Variants in P4HTM observed in about 807,000 individuals in gnomAD.
P4HTM encodes the protein prolyl 4-hydroxylase, transmembrane, also known as transmembrane prolyl 4-hydroxylase.
A neutral mutation model predicts 55.3 loss-of-function variants in P4HTM; 33 were observed. The ratio of observed to expected loss-of-function variants is 0.60; its 90% CI spans 0.45 to 0.80. The LOEUF (loss-of-function observed/expected upper bound fraction) is 0.80, where lower values mean the gene tolerates loss of function less well. Ranked by LOEUF, P4HTM falls within the 30% of genes least tolerant of loss-of-function variation. P4HTM has a pLI of 0.00. For synonymous variants in P4HTM, 272 were observed against 286.4 expected, an observed-to-expected ratio of 0.95 and a Z score of 0.51; for missense variants, 542 against 696.5, an observed-to-expected ratio of 0.78 and a Z score of 2.50.
intron 2 of P4HTM, among the ~76,000 whole-genome samples, chr3:48,997,006 C>G (rs1489742033): frequency 6.6e-6 from 1 of 152,172 alleles, no homozygotes; most frequent in African/African-American, 2.4e-5. Flanking sequence ...CAGAGGACTA[C>G]CTGCTCAAAA....
At chr3:49,004,441 C>T (rs2092970534) in intron 5 of P4HTM, 181 bp downstream of exon 5, 2 of 638,222 alleles carry the variant, frequency 3.1e-6, no homozygotes, top group Non-Finnish European at 5.2e-6. Flanking sequence ...CAAATTAGCC[C>T]TCCTTGCAGG....
intron 2 of P4HTM, among the ~76,000 whole-genome samples, chr3:48,992,659 ACT>A (rs1288675731): frequency 8.2e-6 from 1 of 122,060 alleles, no homozygotes; most frequent in Non-Finnish European, 1.6e-5. Context: ...TGGGATTAGA[ACT>A]CTTTTTTTTT....
Position 48,990,343 on chromosome 3 carries a change from C to G in P4HTM, c.87C>G (p.His29Gln). 6.5e-7 allele frequency: 1 copy of G among 1,537,790 alleles called. No individual in the cohort carries two copies. The highest frequency in any genetic ancestry group is 8.7e-7 in the Non-Finnish European group (1 of 1,149,894). Residue 29 changes from histidine (H) to glutamine (Q), a missense_variant, in exon 1 of 9, where the codon CAC becomes CAG. His to Gln is a conservative substitution (Grantham distance 24, BLOSUM62 0). Transcript: ENST00000383729. This position sits in a 1 kb window ranked among gnomAD's most constrained non-coding sequence, Gnocchi z 7.2. The part of the protein sequence containing the change: ...ASRPQWAPPD[H>Q]CQAQAAAGLG... Reference sequence around the variant, plus strand: ...GGCCGCAGTGGGCGCCGCCAGACCACTGCCAGGCTCAGGCGGCGGCCGGGC... The same window carrying G: ...GGCCGCAGTGGGCGCCGCCAGACCAGTGCCAGGCTCAGGCGGCGGCCGGGC...
In P4HTM at chr3:48,990,822, CT is replaced by C; in HGVS notation, c.355-7del. 3 of 1,613,198 alleles carry C rather than the reference CT, an allele frequency of 1.9e-6. No homozygotes were observed. The highest frequency in any genetic ancestry group is 2.5e-6 in the Non-Finnish European group (3 of 1,179,426). On this transcript the variant is annotated splice_polypyrimidine_tract_variant and intron_variant, in intron 1 of 8. Transcript: ENST00000383729. This position sits in a 1 kb window ranked among gnomAD's most constrained non-coding sequence, Gnocchi z 7.2. ...GGCGCCCCAGCTGCCCGCTGTGCGC[CT>C]TTTCCTTAGGTGGGGCACGAGCGTA...
rs2092983666 is a variant in P4HTM, at chr3:49,006,676, T to C, written c.1289-11T>C. The stretch of plus-strand genomic sequence containing the variant: ...CCCAGCCTAGGATCTCACGTCACCC[T>C]CCTCTTCTAGGTTGGGTGGGTGACG... On this transcript the variant is annotated splice_polypyrimidine_tract_variant and intron_variant, in intron 8 of 8. Coordinates refer to ENST00000383729, the MANE Select transcript of P4HTM (RefSeq NM_177939.3). 2 of 1,610,384 alleles carry C rather than the reference T, an allele frequency of 1.2e-6. No homozygotes were observed. The highest frequency in any genetic ancestry group is 3.3e-5 in the Admixed American group (2 of 59,994).
Position 49,005,009 on chromosome 3 carries a change from G to GT in P4HTM, c.1037dup (p.Ala347SerfsTer36). On this transcript the variant is annotated frameshift_variant, in exon 6 of 9. Coordinates refer to ENST00000383729, the MANE Select transcript of P4HTM (RefSeq NM_177939.3). LOFTEE classifies it high-confidence loss of function. ...GACCATCTGCTCCCATACCAAGCTG[G>GT]TAGCCAACGAGTCTGTACCCTTCGA... The GT allele has an allele frequency of 6.2e-7, 1 of 1,614,112 alleles. No homozygotes were observed. Among genetic ancestry groups the GT allele is most frequent in the Non-Finnish European group, 8.5e-7 (1 of 1,180,038 alleles).
intron 3 of P4HTM, 61 bp downstream of exon 3, chr3:49,001,689 G>A: frequency 1.4e-6 from 2 of 1,441,608 alleles, no homozygotes; most frequent in East Asian, 2.4e-5. Flanking sequence ...CCTTTCTGGT[G>A]GCCAGGTCAC....
At chr3:49,006,031 A>G (rs998508263) in intron 7 of P4HTM, 33 bp from the exon 8 acceptor site, 5 of 1,595,460 alleles carry the variant, frequency 3.1e-6, no homozygotes, top group Non-Finnish European at 4.3e-6. Flanking sequence ...GAGTGGGGAC[A>G]GGTTGAACAC....
At chr3:48,997,012 C>A (rs2092947816) in intron 2 of P4HTM, among the ~76,000 whole-genome samples, 1 of 152,182 alleles carries the variant, frequency 6.6e-6, no homozygotes, top group Non-Finnish European at 1.5e-5. Flanking sequence ...ACTACCTGCT[C>A]AAAAAGCAGT....
At position 49,006,328 on chromosome 3, in the gene P4HTM, T is replaced by C. The variant is rs946911716; in HGVS notation, c.1288+141T>C. ...TCCTGGTGCCTCCCAAAGGCCATCC[T>C]TAGTGACTTTAGCAGACTGCCCCAG... On this transcript the variant is annotated intron_variant, in intron 8 of 8. Transcript: ENST00000383729. The C allele has an allele frequency of 6.1e-5, 53 of 867,022 alleles. No individual in the cohort carries two copies. The Admixed American group carries it at 6.2e-4, about 10-fold the overall frequency. 53.7% of individuals were successfully genotyped at this position (867,022 alleles called of 1,614,324 possible).
Position 49,002,540 on chromosome 3 carries a change from C to T in P4HTM, c.668C>T (p.Thr223Ile). ...QTRLGNGWWMTPESIQEMYAA... is the reference protein window; with the variant it reads ...QTRLGNGWWMIPESIQEMYAA... ...CGCCTGGGAAATGGATGGTGGATGA[C>T]TCCAGAGAGCATTCAGGAGATGTAC... Residue 223 changes from threonine (T) to isoleucine (I), a missense_variant, in exon 4 of 9, where the codon ACT (threonine) becomes ATT (isoleucine). Coordinates refer to ENST00000383729, the MANE Select transcript of P4HTM (RefSeq NM_177939.3). This position sits in a 1 kb window ranked among gnomAD's most constrained non-coding sequence, Gnocchi z 4.4. 1.2e-6 allele frequency: 2 copies of T among 1,614,142 alleles called. No individual in the cohort carries two copies. The highest frequency in any genetic ancestry group is 1.7e-6 in the Non-Finnish European group (2 of 1,179,986).
chr3:48,991,168 T>C, intron 2 of P4HTM: 1 of 473,966 alleles, frequency 2.1e-6, no homozygotes, highest in South Asian at 3.2e-5. Context: ...AAACGTTTCA[T>C]TGCACCTGTC....
At chr3:49,005,214 G>T in intron 6 of P4HTM, 168 bp downstream of exon 6, 1 of 1,556,916 alleles carries the variant, frequency 6.4e-7, no homozygotes, top group East Asian at 2.3e-5. Flanking sequence ...TTTACCCAAT[G>T]GCTGGAAAGG....
At position 49,002,571 on chromosome 3, in the gene P4HTM, G is replaced by A. The variant is rs142286241; in HGVS notation, c.699G>A (p.Ala233=). The A allele has an allele frequency of 5.7e-5, 92 of 1,613,636 alleles. 1 individual carries two copies. Among genetic ancestry groups the A allele is most frequent in the Middle Eastern group, 4.9e-4 (3 of 6,062 alleles). ...AGAGCATTCAGGAGATGTACGCCGC[G>A]ATCAAGGCTGACCCTGATGGTGACG... ...TPESIQEMYA[A]IKADPDGDGV... is the part of the protein sequence containing the mutation. The change falls in exon 4 of 9, where the codon GCG becomes GCA. Residue 233 remains alanine, a synonymous_variant. Transcript: ENST00000383729. The surrounding 1 kb of genome is among the most constrained non-coding windows in gnomAD (Gnocchi z 4.4).
At position 49,004,861 on chromosome 3, in the gene P4HTM, G is replaced by C; in HGVS notation, c.888G>C (p.Arg296Ser). The C allele has an allele frequency of 1.2e-6, 2 of 1,604,628 alleles. No homozygotes were observed. The highest frequency in any genetic ancestry group is 1.7e-5 in the Admixed American group (1 of 59,844). ...CAGCCAAATGCCTGCTGCCCACCAG[G>C]GTGCTGCGCCTCACTCGCCTGTCGC... is the stretch of plus-strand genomic sequence containing the variant. Reference protein sequence around the residue: ...AHHIMRAIRQRVLRLTRLSPE... With the variant: ...AHHIMRAIRQSVLRLTRLSPE... The change falls in exon 6 of 9, where the codon AGG becomes AGC. Residue 296 changes from arginine to serine, a missense_variant and splice_region_variant. Around this residue, in one of 2 missense-constraint regions of P4HTM, gnomAD observed 536 missense variants for 672.1 expected, o/e 0.80. Coordinates refer to ENST00000383729, the MANE Select transcript of P4HTM (RefSeq NM_177939.3).
At chr3:49,000,375 C>T (rs1265748759) in intron 2 of P4HTM, among the ~76,000 whole-genome samples, 1 of 152,114 alleles carries the variant, frequency 6.6e-6, no homozygotes, top group Non-Finnish European at 1.5e-5. Context: ...TATAGGGAGA[C>T]TCCATCTCTA....
intron 4 of P4HTM, chr3:49,003,297 G>A (rs1051081497): frequency 3.0e-4 from 28 of 92,086 alleles, no homozygotes; most frequent in Non-Finnish European, 2.8e-4. Flanking sequence ...GAATCTGGCC[G>A]TGACCTGTGG....
chr3:48,990,845 C>T lies in P4HTM; in HGVS notation c.367C>T (p.Arg123Cys), dbSNP rs2092929225. ...GCCTTTTCCTTAGGTGGGGCACGAG[C>T]GTAAGGTCCAGCTGGTCACCGACAG... Reference protein sequence around the residue: ...RLEGIKVGHERKVQLVTDRDH... With the variant: ...RLEGIKVGHECKVQLVTDRDH... The change falls in exon 2 of 9, where the codon CGT (arginine) becomes TGT (cysteine). Residue 123 changes from arginine (R) to cysteine (C), a missense_variant. Arg to Cys is a radical substitution (Grantham distance 180). This residue lies in a region of P4HTM where 536 missense variants were observed against 672.1 expected (regional missense o/e 0.80). Transcript: ENST00000383729. This position sits in a 1 kb window ranked among gnomAD's most constrained non-coding sequence, Gnocchi z 7.2. 1.9e-6 allele frequency: 3 copies of T among 1,613,668 alleles called. No individual in the cohort carries two copies. In the South Asian group the frequency reaches 3.3e-5, roughly 18 times the overall value.
chr3:48,997,260 T>C (rs1188143874), intron 2 of P4HTM: 1 of 152,208 alleles, frequency 6.6e-6, no homozygotes, highest in African/African-American at 2.4e-5. Context: ...GCACAGCCAG[T>C]CGAAAATTTT....
Sources: gnomAD v4.1 joint callset for allele counts (sites outside exome capture counted in the v4.1 genomes callset) on GRCh38, gnomAD v4.1.1 for gene constraint, gnomAD v4.1.1 regional missense constraint, Gnocchi (gnomAD v3.1) non-coding constraint, MANE v1.5 for transcripts, NCBI Gene and HGNC (gene_info 2026-07-23, HGNC 2026-07-21) for gene names.